Variants in LZIC observed in about 807,000 individuals in gnomAD.
LZIC encodes the protein leucine zipper and CTNNBIP1 domain containing, also known as protein LZIC.
Under a neutral mutation model 25.4 loss-of-function variants are expected in LZIC, and 28 were observed. That is an observed-to-expected ratio of 1.10 (90% CI 0.82 to 1.51). LZIC has a LOEUF of 1.51. LZIC is among the 40% of genes most tolerant of loss of function. LZIC has a pLI of 0.00. For missense variants in LZIC, 170 were observed against 211.1 expected, an observed-to-expected ratio of 0.81 and a Z score of 1.21; for synonymous variants, 65 against 70.7, an observed-to-expected ratio of 0.92 and a Z score of 0.40.
In LZIC at chr1:9,928,131, A is replaced by C. The variant is rs2101578757; in HGVS notation, c.*2268T>G. Among the ~76,000 whole-genome samples the C allele has an allele frequency of 6.6e-6, 1 of 152,182 alleles. No homozygotes were observed. The highest frequency in any genetic ancestry group is 2.1e-4 in the South Asian group (1 of 4,822). ...GGAGTTCGAGACCAGCCTGACCAAC[A>C]TGGAGAAACCCCATCTCTACTAAAA... On this transcript the variant is annotated 3_prime_UTR_variant, in exon 8 of 8. Coordinates refer to ENST00000377223, the MANE Select transcript of LZIC (RefSeq NM_032368.5).
At chr1:9,923,919 A>C (rs772183215), downstream of LZIC, among the ~76,000 whole-genome samples, 2 of 151,882 alleles carry the variant, frequency 1.3e-5, no homozygotes, top group Non-Finnish European at 2.9e-5. Context: ...CGCCCGGCTA[A>C]TTTTTGTATT....
At chr1:9,924,732 A>ATGAG (rs1639938091), downstream of LZIC, among the ~76,000 whole-genome samples, 1 of 152,138 alleles carries the variant, frequency 6.6e-6, no homozygotes, top group African/African-American at 2.4e-5. Context: ...GGCCTGGTTA[A>ATGAG]TGAGTATTGA....
chr1:9,940,775 A>T (rs956695407), intron 2 of LZIC, among the ~76,000 whole-genome samples: 1 of 152,236 alleles, frequency 6.6e-6, no homozygotes, highest in African/African-American at 2.4e-5. Flanking sequence ...GTCATCTATG[A>T]TCATTAATGA....
intron 2 of LZIC, among the ~76,000 whole-genome samples, chr1:9,938,544 C>T (rs1193982471): frequency 1.3e-5 from 2 of 152,162 alleles, no homozygotes; most frequent in Non-Finnish European, 2.9e-5. Flanking sequence ...TGATTTATAA[C>T]ATGGATACAA....
intron 7 of LZIC, among the ~76,000 whole-genome samples, chr1:9,931,262 ATTCAT>A (rs913776953): frequency 1.3e-4 from 20 of 151,330 alleles, no homozygotes; most frequent in African/African-American, 4.6e-4. Flanking sequence ...TTGTTTATTT[ATTCAT>A]TTATTTATTT....
chr1:9,930,163 G>A lies in LZIC; in HGVS notation c.*236C>T. The A allele has an allele frequency of 2.3e-6, 3 of 1,290,964 alleles. No individual in the cohort carries two copies. The highest frequency in any genetic ancestry group is 3.0e-6 in the Non-Finnish European group (3 of 1,013,560). 80.0% of individuals were successfully genotyped at this position (1,290,964 alleles called of 1,614,324 possible). ...AAACAGACAAATCATAACGAACAGAGTCCAGTGAGTCCCTCTGTCGCAACA... is the reference window on the plus strand; with the variant it reads ...AAACAGACAAATCATAACGAACAGAATCCAGTGAGTCCCTCTGTCGCAACA... On this transcript the variant is annotated 3_prime_UTR_variant, in exon 8 of 8. Coordinates refer to ENST00000377223, the MANE Select transcript of LZIC (RefSeq NM_032368.5).
intron 2 of LZIC, 53 bp downstream of exon 2, chr1:9,942,571 G>T: frequency 1.0e-6 from 1 of 954,872 alleles, no homozygotes. Flanking sequence ...CGAAACTACA[G>T]AAACCGCTCT....
In LZIC at chr1:9,936,452, C is replaced by A. The variant is rs574856144; in HGVS notation, c.101+67G>T. On this transcript the variant is annotated intron_variant, in intron 3 of 7. Transcript: ENST00000377223. ...TGCAGAATCATCACACATGGGCCTGCATCCACGGAGCTAGCTGCAGAAAAA... is the reference window on the plus strand; with the variant it reads ...TGCAGAATCATCACACATGGGCCTGAATCCACGGAGCTAGCTGCAGAAAAA... 9 of 962,080 alleles carry A rather than the reference C, an allele frequency of 9.4e-6. No homozygotes were observed. The South Asian group carries it at 1.2e-4, about 13-fold the overall frequency. The allele number at this position is 962,080 out of a possible 1,614,324, so 59.6% of individuals were successfully genotyped here. A position where few individuals can be genotyped will look rare whatever the true frequency, so the allele number is the denominator to read the frequency against.
At chr1:9,933,029 C>A in intron 5 of LZIC, 131 bp from the exon 6 acceptor site, 1 of 582,614 alleles carries the variant, frequency 1.7e-6, no homozygotes. Context: ...ACGAGGCGGG[C>A]GGATCACGAG....
Position 9,930,014 on chromosome 1 carries a change from A to G in LZIC, c.*385T>C, listed in dbSNP as rs1378019675. On this transcript the variant is annotated 3_prime_UTR_variant, in exon 8 of 8. Transcript: ENST00000377223. ...GTCTATTGAGCTTGCGTCACTGTTC[A>G]CTCCAATGAGTGGGGATAAGTTGTA... 2 of 1,002,788 alleles carry G rather than the reference A, an allele frequency of 2.0e-6. No homozygotes were observed. Among genetic ancestry groups the G allele is most frequent in the Non-Finnish European group, 2.4e-6 (2 of 839,942 alleles). 62.1% of individuals were successfully genotyped at this position (1,002,788 alleles called of 1,614,324 possible).
intron 7 of LZIC, 65 bp from the exon 8 acceptor site, chr1:9,930,522 G>A (rs186959702): frequency 4.4e-6 from 7 of 1,599,560 alleles, no homozygotes; most frequent in Non-Finnish European, 2.6e-6. Flanking sequence ...TCCTGGTAAA[G>A]TGGGAAAAAA....
downstream of LZIC, among the ~76,000 whole-genome samples, chr1:9,925,729 A>G (rs1243321919): frequency 6.6e-6 from 1 of 151,802 alleles, no homozygotes; most frequent in Non-Finnish European, 1.5e-5. Context: ...AGCTGGGATT[A>G]CAGGCACACG....
At position 9,937,315 on chromosome 1, in the gene LZIC, C is replaced by T. The variant is rs149312730; in HGVS notation, c.-8-688G>A. 6.0e-3 allele frequency among the ~76,000 whole-genome samples: 903 copies of T among 151,762 alleles called. 10 individuals are homozygous for T. The highest frequency in any genetic ancestry group is 0.02 in the Middle Eastern group (6 of 294). ...GGCTGAGGCAGGAGAATGGTGTGAA[C>T]GCGGGAGGCAGAGCTTGCAGTGAGC... is the stretch of plus-strand genomic sequence containing the variant. On this transcript the variant is annotated intron_variant, in intron 2 of 7. Transcript: ENST00000377223.
At chr1:9,932,021 G>C in intron 6 of LZIC, 49 bp from the exon 7 acceptor site, 1 of 1,444,930 alleles carries the variant, frequency 6.9e-7, no homozygotes, top group Non-Finnish European at 9.6e-7. Flanking sequence ...TGTTACAGGT[G>C]GTTCTAGAAA....
rs1640233778 is a variant in LZIC, at chr1:9,931,988, C to CATT, written c.433-17_433-16insAAT. ...CTGCAGTCAGCTAAACAAAATGAAA[C>CATT]AAAGTCCAGTTGAGTGGGTAAATGT... On this transcript the variant is annotated splice_polypyrimidine_tract_variant and intron_variant, in intron 6 of 7. Transcript: ENST00000377223. 3 of 1,591,862 alleles carry CATT rather than the reference C, an allele frequency of 1.9e-6. No homozygotes were observed. The highest frequency in any genetic ancestry group is 2.6e-6 in the Non-Finnish European group (3 of 1,165,566).
chr1:9,930,325 A>T lies in LZIC; in HGVS notation c.*74T>A, dbSNP rs572325999. 1 of 1,575,236 alleles carries T rather than the reference A, an allele frequency of 6.3e-7. No individual in the cohort carries two copies. Among genetic ancestry groups the T allele is most frequent in the East Asian group, 2.2e-5 (1 of 44,474 alleles). On this transcript the variant is annotated 3_prime_UTR_variant, in exon 8 of 8. Transcript: ENST00000377223. ...TCCAGAATCTCTTCATTTCTTTGCA[A>T]TAACTGAAAACCCCAGAAGAAAGAC... is the stretch of plus-strand genomic sequence containing the variant.
At position 9,939,259 on chromosome 1, in the gene LZIC, G is replaced by C. The variant is rs118076028; in HGVS notation, c.-8-2632C>G. ...GTATTTTTAGTAGAAATGTGGTTTT[G>C]CCATATTGGCCAGGTCGGTCTTGAA... is the stretch of plus-strand genomic sequence containing the variant. On this transcript the variant is annotated intron_variant, in intron 2 of 7. Transcript: ENST00000377223. Among the ~76,000 whole-genome samples, 1,197 of 151,362 alleles carry C rather than the reference G, an allele frequency of 7.9e-3. 33 individuals carry two copies. In the East Asian group the frequency reaches 0.097, roughly 12 times the overall value.
chr1:9,934,892 A>ATCCCT, intron 4 of LZIC, 32 bp from the exon 5 acceptor site: 2 of 1,476,526 alleles, frequency 1.4e-6, no homozygotes, highest in Non-Finnish European at 1.9e-6. Context: ...AACTAACCAA[A>ATCCCT]ATAGTCCAAC....
chr1:9,941,551 G>C (rs528514443), intron 2 of LZIC, among the ~76,000 whole-genome samples: 1 of 148,466 alleles, frequency 6.7e-6, no homozygotes, highest in South Asian at 2.1e-4. Context: ...CCAGGCTGGA[G>C]TGCAGTGGCA....
Sources: gnomAD v4.1 joint callset for allele counts (sites outside exome capture counted in the v4.1 genomes callset) on GRCh38, gnomAD v4.1.1 for gene constraint, MANE v1.5 for transcripts, NCBI Gene and HGNC (gene_info 2026-07-23, HGNC 2026-07-21) for gene names.